ZBBX: variants seen among roughly 807,000 people sequenced by gnomAD.
ZBBX encodes zinc finger B-box domain-containing protein 1.
In ZBBX, 101 loss-of-function variants were observed where a neutral mutation model predicts 108.5. The ratio of observed to expected loss-of-function variants is 0.93; its 90% CI spans 0.79 to 1.10. The LOEUF is 1.10. ZBBX is among the 50% of genes least tolerant of loss of function. The pLI is 0.00. For missense variants in ZBBX, 1,009 were observed against 941.4 expected (o/e 1.07, Z -0.94); for synonymous variants, 356 against 323.4 (o/e 1.10, Z -1.08).
intron 1 of ZBBX, among the ~76,000 whole-genome samples, chr3:167,389,590 C>T (rs775167983): frequency 5.9e-5 from 9 of 152,144 alleles, no homozygotes; most frequent in Non-Finnish European, 1.2e-4. Flanking sequence ...TTTACACTCC[C>T]ACAAACAGTG....
At chr3:167,227,209 A>C in the ZBBX span, among the ~76,000 whole-genome samples, 1 of 151,802 alleles carries the variant, frequency 6.6e-6, no homozygotes, top group Non-Finnish European at 1.5e-5. Flanking sequence ...AGTCTAGTAC[A>C]ATGTAGGTGC....
downstream of ZBBX, among the ~76,000 whole-genome samples, chr3:167,238,210 G>T (rs1440790469): frequency 4.6e-5 from 7 of 152,002 alleles, no homozygotes; most frequent in Non-Finnish European, 8.8e-5. Context: ...AGCCAGTAGT[G>T]TCAGGACAAG....
At chr3:167,388,021 A>C (rs1747969808) in intron 1 of ZBBX, among the ~76,000 whole-genome samples, 2 of 152,018 alleles carry the variant, frequency 1.3e-5, no homozygotes, top group African/African-American at 4.8e-5. Flanking sequence ...TGTTTTCATT[A>C]AGTTTCTATT....
intron 20 of ZBBX, among the ~76,000 whole-genome samples, chr3:167,247,074 G>T (rs1045290231): frequency 6.6e-6 from 1 of 152,168 alleles, no homozygotes; most frequent in Admixed American, 6.5e-5. Flanking sequence ...GGTGAGGACA[G>T]GCACTCCTGC....
At chr3:167,378,270 T>C (rs1747272494) in intron 2 of ZBBX, among the ~76,000 whole-genome samples, 1 of 152,214 alleles carries the variant, frequency 6.6e-6, no homozygotes, top group Admixed American at 6.5e-5. Flanking sequence ...AGGTGCTAAA[T>C]GGTACCCAAG....
chr3:167,303,969 G>A (rs552333676), intron 17 of ZBBX, among the ~76,000 whole-genome samples: 3 of 151,934 alleles, frequency 2.0e-5, no homozygotes, highest in South Asian at 4.2e-4. Flanking sequence ...TATCTTCCAG[G>A]GTAATATTTC....
intron 11 of ZBBX, among the ~76,000 whole-genome samples, chr3:167,324,879 A>G (rs907396237): frequency 1.3e-5 from 2 of 152,124 alleles, no homozygotes; most frequent in Admixed American, 1.3e-4. Flanking sequence ...CAAAATTCCT[A>G]TCTCCCAAAG....
At chr3:167,256,585 C>T (rs963691046) in intron 20 of ZBBX, among the ~76,000 whole-genome samples, 3 of 149,588 alleles carry the variant, frequency 2.0e-5, no homozygotes, top group African/African-American at 7.6e-5. Flanking sequence ...GACCCATTAA[C>T]CATCCCACCT....
At chr3:167,252,109 A>G in intron 20 of ZBBX, 1 of 1,277,474 alleles carries the variant, frequency 7.8e-7, no homozygotes, top group Non-Finnish European at 1.0e-6. Context: ...ATTTGAATCA[A>G]AGGAGAAACT....
chr3:167,361,042 T>A (rs1299506582), intron 6 of ZBBX, among the ~76,000 whole-genome samples: 1 of 152,034 alleles, frequency 6.6e-6, no homozygotes, highest in Non-Finnish European at 1.5e-5. Flanking sequence ...ATTGTAAAGG[T>A]TTAATACATC....
intron 20 of ZBBX, among the ~76,000 whole-genome samples, chr3:167,274,345 TG>T (rs1439062593): frequency 6.6e-6 from 1 of 152,166 alleles, no homozygotes; most frequent in African/African-American, 2.4e-5. Flanking sequence ...CATGCATCCG[TG>T]GGCTAGTACA....
intron 20 of ZBBX, among the ~76,000 whole-genome samples, chr3:167,270,510 C>A (rs1218459494): frequency 2.0e-5 from 3 of 152,136 alleles, no homozygotes; most frequent in Non-Finnish European, 4.4e-5. Context: ...GCCCTTTCAC[C>A]TTTTTGTCAG....
intron 20 of ZBBX, among the ~76,000 whole-genome samples, chr3:167,242,975 C>A (rs1475520009): frequency 2.6e-5 from 4 of 152,018 alleles, no homozygotes; most frequent in Non-Finnish European, 5.9e-5. Flanking sequence ...AGCCACTCAA[C>A]CTGTTGGACA....
chr3:167,350,327 C>A (rs570045294), intron 9 of ZBBX, 93 bp downstream of exon 9: 1 of 910,488 alleles, frequency 1.1e-6, no homozygotes, highest in Admixed American at 2.5e-5. Flanking sequence ...CGTAAATCAT[C>A]CTGAGTTCTA....
At chr3:167,179,954 G>C in the ZBBX span, among the ~76,000 whole-genome samples, 1 of 152,146 alleles carries the variant, frequency 6.6e-6, no homozygotes, top group African/African-American at 2.4e-5. Context: ...GCCTTCGTGA[G>C]GACAATAGTT....
At chr3:167,359,793 C>T in intron 8 of ZBBX, 77 bp downstream of exon 8, 1 of 607,916 alleles carries the variant, frequency 1.6e-6, no homozygotes, top group African/African-American at 1.9e-5. Flanking sequence ...GTGTATGAGG[C>T]CATGTGAAAG....
rs1737735925 is a variant in ZBBX, at chr3:167,328,069, C to A, written c.735G>T (p.Lys245Asn). The A allele has an allele frequency of 1.9e-6, 3 of 1,613,874 alleles. No homozygotes were observed. Among genetic ancestry groups the A allele is most frequent in the South Asian group, 2.2e-5 (2 of 91,040 alleles). ...CGAATGACCCTTCACACAACAGACT[C>A]TTTCTTGGTTTTGTACGTTGTGCTC... ...MKRAQRTKPR[K>N]SLLCEGSFDE... Residue 245 changes from lysine to asparagine, a missense_variant, in exon 11 of 22, where the codon AAG becomes AAT. Lys to Asn is a moderately conservative substitution (Grantham distance 94). Coordinates refer to ENST00000675490, the MANE Select transcript of ZBBX (RefSeq NM_001199201.2).
intron 18 of ZBBX, among the ~76,000 whole-genome samples, chr3:167,291,735 G>A (rs1036488169): frequency 3.3e-5 from 5 of 152,104 alleles, no homozygotes; most frequent in Non-Finnish European, 7.3e-5. Flanking sequence ...TGGGCTAAAT[G>A]CCCCAATTAA....
intron 4 of ZBBX, 194 bp from the exon 5 acceptor site, chr3:167,368,768 C>T: frequency 8.1e-7 from 1 of 1,229,328 alleles, no homozygotes; most frequent in Non-Finnish European, 1.0e-6. Flanking sequence ...CAAATTATCT[C>T]TTCAAATCTT....
Sources: gnomAD v4.1 joint callset for allele counts (sites outside exome capture counted in the v4.1 genomes callset) on GRCh38, gnomAD v4.1.1 for gene constraint, MANE v1.5 for transcripts, NCBI Gene and HGNC (gene_info 2026-07-23, HGNC 2026-07-21) for gene names.